The following DRC10 variants were observed in gnomAD, a reference collection of about 807,000 sequenced individuals.
The protein encoded by DRC10 is IQ domain-containing protein D.
chr12:113,199,711 G>T, the DRC10 span, among the ~76,000 whole-genome samples: 1 of 151,624 alleles, frequency 6.6e-6, no homozygotes, highest in African/African-American at 2.4e-5. Context: ...GAAGGCAAAT[G>T]AAGGTTTTGG....
the DRC10 span, among the ~76,000 whole-genome samples, chr12:113,198,818 G>T: frequency 6.6e-6 from 1 of 152,168 alleles, no homozygotes; most frequent in Non-Finnish European, 1.5e-5. Flanking sequence ...AAGCAGGCTG[G>T]GCCAGTGGCT....
the DRC10 span, among the ~76,000 whole-genome samples, chr12:113,196,090 A>G: frequency 1.3e-5 from 2 of 152,166 alleles, no homozygotes; most frequent in Admixed American, 1.3e-4. Context: ...GACCCAACTG[A>G]AATAATTTCA....
chr12:113,198,185 C>G, the DRC10 span, among the ~76,000 whole-genome samples: 2 of 152,006 alleles, frequency 1.3e-5, no homozygotes, highest in African/African-American at 4.8e-5. Flanking sequence ...CCACCACACT[C>G]CAGCCTGGGT....
the DRC10 span, among the ~76,000 whole-genome samples, chr12:113,220,290 C>G: frequency 6.6e-6 from 1 of 152,162 alleles, no homozygotes; most frequent in Admixed American, 6.5e-5. Context: ...GAGTCTTGCT[C>G]TGTTGCCCGG....
the DRC10 span, among the ~76,000 whole-genome samples, chr12:113,219,010 T>C: frequency 1.3e-5 from 2 of 152,274 alleles, no homozygotes; most frequent in South Asian, 4.1e-4. Context: ...GTGGAATTGC[T>C]AGGTTATGTG....
chr12:113,196,698 C>G, the DRC10 span, among the ~76,000 whole-genome samples: 1 of 152,214 alleles, frequency 6.6e-6, no homozygotes, highest in South Asian at 2.1e-4. Flanking sequence ...CATATTACCT[C>G]CAGTGCTCTC....
At chr12:113,195,991 C>T in the DRC10 span, 8 of 1,459,760 alleles carry the variant, frequency 5.5e-6, no homozygotes, top group African/African-American at 2.8e-5. Context: ...TCTGCCCCAG[C>T]GATGCCCCTA....
chr12:113,197,416 C>G, the DRC10 span: 2 of 662,992 alleles, frequency 3.0e-6, no homozygotes, highest in African/African-American at 1.8e-5. Context: ...GGGAAGTGCT[C>G]CCTGCAGAGA....
chr12:113,205,915 A>G, the DRC10 span, among the ~76,000 whole-genome samples: 1 of 146,080 alleles, frequency 6.8e-6, no homozygotes, highest in Non-Finnish European at 1.5e-5. Context: ...AAAAAAAAAA[A>G]AAAAAAAAAG....
At chr12:113,201,986 A>G in the DRC10 span, among the ~76,000 whole-genome samples, 1 of 152,250 alleles carries the variant, frequency 6.6e-6, no homozygotes, top group African/African-American at 2.4e-5. Context: ...CCACCTGGCA[A>G]AAATGGCATT....
At chr12:113,195,695 T>C in the DRC10 span, 2 of 1,613,712 alleles carry the variant, frequency 1.2e-6, no homozygotes, top group Admixed American at 1.7e-5. Flanking sequence ...AGCCCTTCCA[T>C]AGGGCCTGGA....
chr12:113,209,742 G>A, the DRC10 span, among the ~76,000 whole-genome samples: 1 of 152,198 alleles, frequency 6.6e-6, no homozygotes, highest in African/African-American at 2.4e-5. Flanking sequence ...ATTAGGGGGA[G>A]CAGAATGGAG....
At chr12:113,206,463 A>C in the DRC10 span, among the ~76,000 whole-genome samples, 1 of 152,146 alleles carries the variant, frequency 6.6e-6, no homozygotes, top group South Asian at 2.1e-4. Flanking sequence ...CGGGTTGAGT[A>C]CAGAATGTGA....
At chr12:113,216,881 A>G in the DRC10 span, among the ~76,000 whole-genome samples, 1 of 152,086 alleles carries the variant, frequency 6.6e-6, no homozygotes, top group Non-Finnish European at 1.5e-5. Context: ...TGAGGTCAAG[A>G]GTTCGAGACC....
the DRC10 span, chr12:113,207,417 A>G: frequency 6.3e-7 from 1 of 1,576,828 alleles, no homozygotes; most frequent in African/African-American, 1.3e-5. Flanking sequence ...CAGTAATTTC[A>G]GCAATACTAT....
chr12:113,220,920 G>C, the DRC10 span: 1 of 276,418 alleles, frequency 3.6e-6, no homozygotes, highest in South Asian at 3.3e-5. Flanking sequence ...TAATTCCTCA[G>C]GGAGCCAAAG....
At chr12:113,209,620 A>G in the DRC10 span, among the ~76,000 whole-genome samples, 1 of 152,100 alleles carries the variant, frequency 6.6e-6, no homozygotes, top group Non-Finnish European at 1.5e-5. Flanking sequence ...TCCTAGGCTC[A>G]AGCAATCCTC....
the DRC10 span, among the ~76,000 whole-genome samples, chr12:113,216,787 G>T: frequency 1.3e-5 from 2 of 152,162 alleles, no homozygotes; most frequent in African/African-American, 4.8e-5. Context: ...ACGAAACAGG[G>T]TTGGGTGCGG....
chr12:113,220,519 G>C, the DRC10 span, among the ~76,000 whole-genome samples: 1 of 152,180 alleles, frequency 6.6e-6, no homozygotes, highest in Non-Finnish European at 1.5e-5. Context: ...CTCCCAAAGT[G>C]CTGGGATTAC....
Sources: allele counts gnomAD v4.1 joint callset (sites outside exome capture counted in the v4.1 genomes callset), GRCh38; gene constraint gnomAD v4.1.1; transcripts MANE v1.5; gene names NCBI Gene and HGNC (gene_info 2026-07-23, HGNC 2026-07-21).